Variants in LGALS16 observed in about 807,000 individuals in gnomAD.
LGALS16 encodes the protein galectin 16.
LGALS16 carries 15 observed loss-of-function variants against 13.2 expected under a neutral mutation model. The ratio of observed to expected loss-of-function variants is 1.13; its 90% CI spans 0.76 to 1.75. LGALS16 has a LOEUF of 1.75. Ranked by LOEUF, LGALS16 falls within the 40% of genes most tolerant of loss-of-function variation. The pLI, the probability that LGALS16 is intolerant of heterozygous loss-of-function variation, is 0.00. For missense variants in LGALS16, 198 were observed against 178.4 expected (o/e 1.11, Z -0.63); for synonymous variants, 66 against 65.4 (o/e 1.01, Z -0.05).
chr19:39,658,575 G>A lies in LGALS16; in HGVS notation c.208G>A (p.Gly70Arg), dbSNP rs1195686069. 1 of 1,608,876 alleles carries A rather than the reference G, an allele frequency of 6.2e-7. No homozygotes were observed. The highest frequency in any genetic ancestry group is 2.2e-5 in the East Asian group (1 of 44,710). ...TGTGGTCATGAACAGTCGTGAGTTTGGGATATGGATGTTGGAGGAGAATTT... is the reference window on the plus strand; with the variant it reads ...TGTGGTCATGAACAGTCGTGAGTTTAGGATATGGATGTTGGAGGAGAATTT... ...RRVVMNSREF[G>R]IWMLEENLHY... is the part of the protein sequence containing the mutation. The change falls in exon 3 of 4, where the codon GGG becomes AGG. Residue 70 changes from glycine (G) to arginine (R), a missense_variant. By Grantham distance (125) the Gly-to-Arg change is moderately radical. Transcript: ENST00000392051.
intron 1 of LGALS16, among the ~76,000 whole-genome samples, chr19:39,656,281 TGA>T (rs1973193764): frequency 6.6e-6 from 1 of 152,082 alleles, no homozygotes; most frequent in Non-Finnish European, 1.5e-5. Flanking sequence ...GGTGTTTGTG[TGA>T]GTGTAAGGGG....
In LGALS16 at chr19:39,658,566, C is replaced by T. The variant is rs534353150; in HGVS notation, c.199C>T (p.Arg67Cys). 1.2e-5 allele frequency: 20 copies of T among 1,608,800 alleles called. No homozygotes were observed. The highest frequency in any genetic ancestry group is 1.7e-4 in the Middle Eastern group (1 of 6,060). The change falls in exon 3 of 4, where the codon CGT (arginine) becomes TGT (cysteine). Residue 67 changes from arginine to cysteine, a missense_variant. Arg to Cys is a radical substitution (Grantham distance 180). Transcript: ENST00000392051. Reference protein sequence around the residue: ...HLGRRVVMNSREFGIWMLEEN... With the variant: ...HLGRRVVMNSCEFGIWMLEEN... ...AGGCCGTCGTGTGGTCATGAACAGT[C>T]GTGAGTTTGGGATATGGATGTTGGA...
chr19:39,659,024 T>C (rs1415942236), intron 3 of LGALS16, among the ~76,000 whole-genome samples: 1 of 152,082 alleles, frequency 6.6e-6, no homozygotes, highest in East Asian at 1.9e-4. Context: ...TATGTCTTCG[T>C]CTCACTTTTG....
intron 1 of LGALS16, among the ~76,000 whole-genome samples, chr19:39,657,222 A>G (rs1336521173): frequency 1.3e-5 from 2 of 152,160 alleles, no homozygotes; most frequent in Non-Finnish European, 2.9e-5. Context: ...CTATGATCGC[A>G]CCACTGCATG....
At chr19:39,657,697 C>G (rs1973209155) in intron 1 of LGALS16, 186 bp from the exon 2 acceptor site, 1 of 668,612 alleles carries the variant, frequency 1.5e-6, no homozygotes, top group African/African-American at 1.8e-5. Flanking sequence ...GCTCCTGAAC[C>G]CTTGCTCTTA....
intron 2 of LGALS16, 100 bp from the exon 3 acceptor site, chr19:39,658,359 AT>A: frequency 9.5e-7 from 1 of 1,048,350 alleles, no homozygotes; most frequent in Non-Finnish European, 1.4e-6. Context: ...ATCAGAGAGA[AT>A]TTTACCCTGG....
chr19:39,657,688 C>A, intron 1 of LGALS16, 195 bp from the exon 2 acceptor site: 1 of 643,330 alleles, frequency 1.6e-6, no homozygotes. Context: ...GGCTTCTTGG[C>A]TCCTGAACCC....
intron 1 of LGALS16, among the ~76,000 whole-genome samples, chr19:39,656,873 C>A (rs1973200577): frequency 1.3e-5 from 2 of 151,780 alleles, no homozygotes; most frequent in South Asian, 4.2e-4. Context: ...GTAAAATATC[C>A]ACTGTAAGCT....
intron 3 of LGALS16, 103 bp from the exon 4 acceptor site, chr19:39,660,292 G>T: frequency 8.9e-7 from 1 of 1,124,366 alleles, no homozygotes; most frequent in Non-Finnish European, 1.3e-6. Flanking sequence ...GTATAACTAG[G>T]AGTTTTCTTG....
intron 2 of LGALS16, 107 bp from the exon 3 acceptor site, chr19:39,658,353 G>A: frequency 1.0e-6 from 1 of 968,264 alleles, no homozygotes. Context: ...AGTATCATCA[G>A]AGAGAATTTT....
At chr19:39,657,422 T>G (rs1973206409) in intron 1 of LGALS16, among the ~76,000 whole-genome samples, 1 of 152,094 alleles carries the variant, frequency 6.6e-6, no homozygotes, top group African/African-American at 2.4e-5. Flanking sequence ...TTGCCCTTGA[T>G]GATTGTGAGA....
chr19:39,656,018 CA>C, intron 1 of LGALS16, 42 bp downstream of exon 1: 1 of 1,603,680 alleles, frequency 6.2e-7, no homozygotes, highest in Non-Finnish European at 8.5e-7. Context: ...TCAAGTCACA[CA>C]AAACCAAGAA....
At chr19:39,656,991 A>G (rs1973201943) in intron 1 of LGALS16, among the ~76,000 whole-genome samples, 1 of 152,052 alleles carries the variant, frequency 6.6e-6, no homozygotes, top group Non-Finnish European at 1.5e-5. Flanking sequence ...AGCTGGGTTC[A>G]CTGGCTCACG....
chr19:39,656,104 TG>T (rs1973191834), intron 1 of LGALS16, 128 bp downstream of exon 1: 1 of 1,008,528 alleles, frequency 9.9e-7, no homozygotes, highest in Non-Finnish European at 1.5e-6. Context: ...TGTGGGTGTG[TG>T]GAAGAGAAAC....
At position 39,658,597 on chromosome 19, in the gene LGALS16, AT is replaced by A; in HGVS notation, c.233del (p.Leu78TyrfsTer25). On this transcript the variant is annotated frameshift_variant, in exon 3 of 4. Coordinates refer to ENST00000392051, the MANE Select transcript of LGALS16 (RefSeq NM_001190441.3). LOFTEE classifies it high-confidence loss of function. ...TTTGGGATATGGATGTTGGAGGAGA[AT>A]TTACACTATGTGCCCTTTGAGGATG... is the stretch of plus-strand genomic sequence containing the variant. ...REFGIWMLEE[N>X]LHYVPFEDGK... The A allele has an allele frequency of 6.2e-7, 1 of 1,607,076 alleles. No homozygotes were observed.
Position 39,660,399 on chromosome 19 carries a change from A to C in LGALS16, c.308A>C (p.Lys103Thr). The C allele has an allele frequency of 6.5e-7, 1 of 1,540,648 alleles. No homozygotes were observed. The highest frequency in any genetic ancestry group is 1.4e-5 in the African/African-American group (1 of 73,286). Residue 103 changes from lysine to threonine, a missense_variant, in exon 4 of 4, where the codon AAG becomes ACG. Coordinates refer to ENST00000392051, the MANE Select transcript of LGALS16 (RefSeq NM_001190441.3). ...GATGCATTTTTCCTCTTAAAGGTAA[A>C]GGTAAATGGTGAATACATTTATGCC... ...IYVCHNEYEV[K>T]VNGEYIYAFV... is the part of the protein sequence containing the mutation.
intron 1 of LGALS16, 110 bp downstream of exon 1, chr19:39,656,086 C>T: frequency 8.7e-7 from 1 of 1,147,894 alleles, no homozygotes; most frequent in Non-Finnish European, 1.3e-6. Context: ...GAATGCTTTA[C>T]TGAGAGTTGT....
At chr19:39,657,854 C>T (rs780287993) in intron 1 of LGALS16, 29 bp from the exon 2 acceptor site, 5 of 1,611,092 alleles carry the variant, frequency 3.1e-6, no homozygotes, top group Non-Finnish European at 4.2e-6. Context: ...TGACCCTGCA[C>T]CTCTCACTTA....
chr19:39,658,391 G>A, intron 2 of LGALS16, 69 bp from the exon 3 acceptor site: 1 of 1,273,908 alleles, frequency 7.8e-7, no homozygotes, highest in Non-Finnish European at 1.1e-6. Flanking sequence ...GAAGGGATTT[G>A]TGTGCGTGTC....
Sources: allele counts gnomAD v4.1 joint callset (sites outside exome capture counted in the v4.1 genomes callset), GRCh38; gene constraint gnomAD v4.1.1; transcripts MANE v1.5; gene names NCBI Gene and HGNC (gene_info 2026-07-23, HGNC 2026-07-21).